The following TDRD9 variants were observed in gnomAD, a reference collection of about 807,000 sequenced individuals.
The protein encoded by TDRD9 is ATP-dependent RNA helicase TDRD9.
A neutral mutation model predicts 172.6 loss-of-function variants in TDRD9; 124 were observed. That is an observed-to-expected ratio of 0.72 (90% CI 0.62 to 0.83). TDRD9 has a LOEUF of 0.83. Among genes scored for constraint, TDRD9 ranks in the 40% least tolerant of loss-of-function variants. The pLI, the probability that TDRD9 is intolerant of heterozygous loss-of-function variation, is 0.00. For missense variants in TDRD9, 1,479 were observed against 1,714.1 expected, an observed-to-expected ratio of 0.86 and a Z score of 2.42; for synonymous variants, 619 against 617.1, an observed-to-expected ratio of 1.00 and a Z score of -0.05.
In TDRD9 at chr14:104,022,586, G is replaced by A. The variant is rs563562533; in HGVS notation, c.2606+256G>A. Among the ~76,000 whole-genome samples, 4 of 152,228 alleles carry A rather than the reference G, an allele frequency of 2.6e-5. No homozygotes were observed. The East Asian group carries it at 5.8e-4, about 22-fold the overall frequency. On this transcript the variant is annotated intron_variant, in intron 24 of 35. Coordinates refer to ENST00000409874, the MANE Select transcript of TDRD9 (RefSeq NM_153046.3). Reference sequence around the variant, plus strand: ...TACTGACAATACAAAAATTAGCCGGGCATGGTCGCACACACCTTTAATCCC... The same window carrying A: ...TACTGACAATACAAAAATTAGCCGGACATGGTCGCACACACCTTTAATCCC...
At chr14:103,970,910 T>G (rs1388679562) in intron 6 of TDRD9, among the ~76,000 whole-genome samples, 1 of 152,238 alleles carries the variant, frequency 6.6e-6, no homozygotes, top group East Asian at 1.9e-4. Flanking sequence ...AAATTTGTAT[T>G]TTTATTTTTT....
At chr14:103,945,751 A>C (rs2031521208) in intron 1 of TDRD9, among the ~76,000 whole-genome samples, 1 of 152,226 alleles carries the variant, frequency 6.6e-6, no homozygotes, top group Admixed American at 6.5e-5. Context: ...CGTATCATGC[A>C]TAATATATGT....
rs1186203107 is a variant in TDRD9, at chr14:103,975,513, A to G, written c.971A>G (p.Glu324Gly). 2 of 1,612,596 alleles carry G rather than the reference A, an allele frequency of 1.2e-6. No individual in the cohort carries two copies. The highest frequency in any genetic ancestry group is 1.1e-5 in the South Asian group (1 of 90,792). Residue 324 changes from glutamate to glycine, a missense_variant, in exon 7 of 36, where the codon GAG (glutamate) becomes GGG (glycine). This residue lies in a region of TDRD9 where 1,413 missense variants were observed against 1,649.1 expected (regional missense o/e 0.86). Transcript: ENST00000409874. ...EVEGKPHSVE[E>G]YYLNDLEHIH... ...GAAGGCAAGCCCCATTCAGTTGAAG[A>G]GTATTATCTTAATGATTTGGAGCAC...
chr14:104,044,151 C>T (rs1361873607), intron 34 of TDRD9, among the ~76,000 whole-genome samples: 2 of 152,158 alleles, frequency 1.3e-5, no homozygotes, highest in East Asian at 1.9e-4. Flanking sequence ...GGACCGCTGC[C>T]AGTCACTAGA....
At chr14:103,931,203 G>A (rs1050934300) in intron 1 of TDRD9, among the ~76,000 whole-genome samples, 7 of 151,964 alleles carry the variant, frequency 4.6e-5, no homozygotes, top group Admixed American at 6.6e-5. Flanking sequence ...GGAGGCTGAG[G>A]TGGGAGAATT....
At chr14:104,016,221 T>G in intron 22 of TDRD9, 133 bp downstream of exon 22, 1 of 632,222 alleles carries the variant, frequency 1.6e-6, no homozygotes, top group Non-Finnish European at 2.7e-6. Context: ...TTTGGCCTTT[T>G]CAGGTGTATC....
At position 103,963,115 on chromosome 14, in the gene TDRD9, C is replaced by T. The variant is rs1382499856; in HGVS notation, c.359C>T (p.Thr120Ile). ...TCTTTGGCTAAATTAAGCAGTGTGA[C>T]ATGCATCCCAGGGACAACTTATAAA... ...RPSLAKLSSV[T>I]CIPGTTYKYP... The change falls in exon 3 of 36, where the codon ACA (threonine) becomes ATA (isoleucine). Residue 120 changes from threonine (T) to isoleucine (I), a missense_variant. Transcript: ENST00000409874. 8.4e-6 allele frequency: 13 copies of T among 1,549,666 alleles called. No individual in the cohort carries two copies. Among genetic ancestry groups the T allele is most frequent in the South Asian group, 4.8e-5 (4 of 83,662 alleles).
chr14:103,995,058 T>C (rs894381270), intron 11 of TDRD9, among the ~76,000 whole-genome samples: 1 of 152,144 alleles, frequency 6.6e-6, no homozygotes, highest in Non-Finnish European at 1.5e-5. Flanking sequence ...TGTTGTTTAG[T>C]TTTGTGTTTT....
At chr14:103,976,286 T>C (rs183710081) in intron 7 of TDRD9, among the ~76,000 whole-genome samples, 1 of 152,202 alleles carries the variant, frequency 6.6e-6, no homozygotes, top group East Asian at 1.9e-4. Flanking sequence ...TTTCTTTTTT[T>C]TTTTCGAGAC....
Position 103,996,104 on chromosome 14 carries a change from G to A in TDRD9, c.1378+297G>A, listed in dbSNP as rs73354487. Among the ~76,000 whole-genome samples, 242 of 152,306 alleles carry A rather than the reference G, an allele frequency of 1.6e-3. 1 individual carries two copies. Among genetic ancestry groups the A allele is most frequent in the African/African-American group, 5.7e-3 (235 of 41,568 alleles). ...TGCCAGGTGGAGTTCTGTGACTGGA[G>A]GGAGGCAGATGTGGGGAGGAGCTCA... On this transcript the variant is annotated intron_variant, in intron 12 of 35. Coordinates refer to ENST00000409874, the MANE Select transcript of TDRD9 (RefSeq NM_153046.3).
chr14:103,984,905 C>G (rs2033606541), intron 7 of TDRD9, among the ~76,000 whole-genome samples: 1 of 152,190 alleles, frequency 6.6e-6, no homozygotes, highest in African/African-American at 2.4e-5. Flanking sequence ...GGGAACCCAG[C>G]TCTTGCATCA....
chr14:103,959,184 T>C (rs944168747), intron 2 of TDRD9, among the ~76,000 whole-genome samples: 1 of 152,090 alleles, frequency 6.6e-6, no homozygotes, highest in Admixed American at 6.6e-5. Flanking sequence ...GGAGAGCCAG[T>C]TGAAGGACAA....
chr14:103,932,609 G>C (rs1391507673), intron 1 of TDRD9, among the ~76,000 whole-genome samples: 1 of 151,882 alleles, frequency 6.6e-6, no homozygotes. Context: ...GGATGGTCTC[G>C]ATCTCCTGGC....
rs147141939 is a variant in TDRD9 at position 104,010,569 on chromosome 14, C to CTT, written c.2106+2117_2106+2118dup. On this transcript the variant is annotated intron_variant, in intron 20 of 35. Transcript: ENST00000409874. Reference sequence around the variant, plus strand: ...TTTTATAATTAACTTTGTTTGTTTCCTTTTTTTTTTTTTTTGCTACTTCTT... The same window carrying CTT: ...TTTTATAATTAACTTTGTTTGTTTCCTTTTTTTTTTTTTTTTTGCTACTTCTT... 3.1e-3 allele frequency among the ~76,000 whole-genome samples: 416 copies of CTT among 134,838 alleles called. 3 individuals carry two copies. Among genetic ancestry groups the CTT allele is most frequent in the South Asian group, 0.014 (58 of 4,258 alleles). The allele number at this position is 134,838 out of a possible 152,430, so 88.5% of individuals were successfully genotyped here.
At chr14:103,970,728 G>C (rs78779813) in intron 6 of TDRD9, 107 bp downstream of exon 6, 23,525 of 811,094 alleles carry the variant, frequency 0.029, 472 homozygotes, top group East Asian at 0.063. Flanking sequence ...CTGGGACCCC[G>C]GACAGATACT....
At chr14:104,048,437 T>A (rs984197808) in intron 34 of TDRD9, among the ~76,000 whole-genome samples, 38 of 152,298 alleles carry the variant, frequency 2.5e-4, no homozygotes, top group African/African-American at 8.7e-4. Flanking sequence ...TTTTATTTTT[T>A]AGCCTGGCTT....
intron 1 of TDRD9, among the ~76,000 whole-genome samples, chr14:103,955,378 C>T (rs569905417): frequency 1.1e-4 from 16 of 152,244 alleles, no homozygotes; most frequent in African/African-American, 3.9e-4. Flanking sequence ...AAAAATGATA[C>T]TGCAAACTAC....
At chr14:103,959,164 C>T (rs2152137037) in intron 2 of TDRD9, among the ~76,000 whole-genome samples, 1 of 152,148 alleles carries the variant, frequency 6.6e-6, no homozygotes, top group East Asian at 1.9e-4. Flanking sequence ...CAGAGGATGG[C>T]AGTGGAGGAG....
rs767206345 is a variant in TDRD9, at chr14:104,022,272, G to A, written c.2548G>A (p.Ala850Thr). ...KVSLELSVHS[A>T]EEIEGKVQGM... is the part of the protein sequence containing the mutation. ...TTCACTTGAACTCAGCGTTCATTCT[G>A]CAGAGGAAATTGAAGGGAAGGTGCA... Residue 850 changes from alanine (A) to threonine (T), a missense_variant, in exon 24 of 36, where the codon GCA becomes ACA. Around this residue, in one of 3 missense-constraint regions of TDRD9, gnomAD observed 1,413 missense variants for 1,649.1 expected, o/e 0.86. Transcript: ENST00000409874. The A allele has an allele frequency of 1.4e-5, 22 of 1,613,690 alleles. No individual in the cohort carries two copies. Among genetic ancestry groups the A allele is most frequent in the Non-Finnish European group, 1.9e-5 (22 of 1,179,788 alleles).
Sources: allele counts gnomAD v4.1 joint callset (sites outside exome capture counted in the v4.1 genomes callset), GRCh38; gene constraint gnomAD v4.1.1; regional missense constraint gnomAD v4.1.1; transcripts MANE v1.5; gene names NCBI Gene and HGNC (gene_info 2026-07-23, HGNC 2026-07-21).